Variants in MBD5 observed in about 807,000 individuals in gnomAD.
The protein encoded by MBD5 is methyl-CpG binding domain protein 5, also known as methyl-CpG-binding domain protein 5.
In MBD5, 13 loss-of-function variants were observed where a neutral mutation model predicts 117.3. That is an observed-to-expected ratio of 0.11 (90% confidence interval 0.07 to 0.18). The LOEUF (loss-of-function observed/expected upper bound fraction) is 0.18, where lower values mean the gene tolerates loss of function less well. Ranked by LOEUF, MBD5 falls within the 10% of genes least tolerant of loss-of-function variation. MBD5 has a pLI of 1.00. For missense variants in MBD5, 1,879 were observed against 2,093.8 expected (o/e 0.90, Z 2.00); for synonymous variants, 727 against 766.4 (o/e 0.95, Z 0.85).
At chr2:148,116,262 C>T (rs1181512809) in intron 1 of MBD5, among the ~76,000 whole-genome samples, 2 of 151,788 alleles carry the variant, frequency 1.3e-5, no homozygotes, top group East Asian at 1.9e-4. Context: ...AGGTTATCAC[C>T]GTGACTGAGA....
intron 1 of MBD5, among the ~76,000 whole-genome samples, chr2:148,037,520 T>TA (rs1477597017): frequency 6.6e-6 from 1 of 151,970 alleles, no homozygotes; most frequent in Admixed American, 6.6e-5. Context: ...TTATTATCTT[T>TA]AAATGAGACA....
intron 1 of MBD5, among the ~76,000 whole-genome samples, chr2:148,109,241 C>G (rs1055414065): frequency 5.3e-5 from 8 of 152,144 alleles, no homozygotes; most frequent in African/African-American, 1.9e-4. Flanking sequence ...GCCATGTTTG[C>G]ACCGCTGTAC....
At chr2:148,365,928 A>C (rs1364424560) in intron 4 of MBD5, among the ~76,000 whole-genome samples, 1 of 152,182 alleles carries the variant, frequency 6.6e-6, no homozygotes, top group Non-Finnish European at 1.5e-5. Flanking sequence ...TCCTTCTGAA[A>C]CTATTCCAAA....
rs371331451 is a variant in MBD5 at position 148,470,508 on chromosome 2, A to G, written c.2518+47A>G. On this transcript the variant is annotated intron_variant, in intron 8 of 13. Coordinates refer to ENST00000642680, the MANE Select transcript of MBD5 (RefSeq NM_001378120.1). ...GTACCCAAAGGTACTAAACTTTTCT[A>G]CTTTTTTAAAAAATTTGTACCAAAA... 182 of 1,459,898 alleles carry G rather than the reference A, an allele frequency of 1.2e-4. 2 individuals are homozygous for G. The South Asian group carries it at 2.4e-3, about 19-fold the overall frequency. The allele number at this position is 1,459,898 out of a possible 1,614,324, so 90.4% of individuals were successfully genotyped here.
At chr2:148,364,633 A>G (rs1459775533) in intron 4 of MBD5, among the ~76,000 whole-genome samples, 1 of 152,196 alleles carries the variant, frequency 6.6e-6, no homozygotes, top group African/African-American at 2.4e-5. Context: ...CTCAGAATAA[A>G]GGGATGGAGG....
intron 2 of MBD5, among the ~76,000 whole-genome samples, chr2:148,184,238 C>G (rs979192293): frequency 2.0e-5 from 3 of 152,210 alleles, no homozygotes; most frequent in South Asian, 2.1e-4. Flanking sequence ...GTCTTGAACT[C>G]CTGACCTCAA....
intron 3 of MBD5, among the ~76,000 whole-genome samples, chr2:148,322,599 A>G (rs1702310386): frequency 6.6e-6 from 1 of 152,126 alleles, no homozygotes; most frequent in Non-Finnish European, 1.5e-5. Flanking sequence ...CTTGATTATT[A>G]TTTGACTTTC....
chr2:148,029,015 C>A (rs942888579), intron 1 of MBD5, among the ~76,000 whole-genome samples: 1 of 152,080 alleles, frequency 6.6e-6, no homozygotes, highest in Non-Finnish European at 1.5e-5. Context: ...AGCCAGACAT[C>A]TAACTGTTTA....
chr2:148,075,391 C>A (rs1485388025), intron 1 of MBD5, among the ~76,000 whole-genome samples: 8 of 152,222 alleles, frequency 5.3e-5, no homozygotes, highest in African/African-American at 1.9e-4. Context: ...GCCCATCTTA[C>A]ATCAGGCATT....
chr2:148,411,937 C>A (rs952726913), intron 4 of MBD5, among the ~76,000 whole-genome samples: 4 of 151,798 alleles, frequency 2.6e-5, no homozygotes, highest in African/African-American at 7.3e-5. Flanking sequence ...ATGTCTAGAA[C>A]GATATTTCCA....
chr2:148,386,766 G>C (rs1704384805), intron 4 of MBD5, among the ~76,000 whole-genome samples: 1 of 139,416 alleles, frequency 7.2e-6, no homozygotes, highest in Admixed American at 7.2e-5. Flanking sequence ...TGCCAATAAA[G>C]ATATGGCATA....
At chr2:148,452,260 C>T (rs1323406215) in intron 4 of MBD5, among the ~76,000 whole-genome samples, 1 of 152,112 alleles carries the variant, frequency 6.6e-6, no homozygotes, top group African/African-American at 2.4e-5. Flanking sequence ...CTTTGGAAGG[C>T]CAAGGCAAGA....
chr2:148,178,463 C>T (rs1370894709), intron 1 of MBD5, among the ~76,000 whole-genome samples: 1 of 152,112 alleles, frequency 6.6e-6, no homozygotes, highest in Non-Finnish European at 1.5e-5. Context: ...ATAGAAAGTA[C>T]TCAACTCTGT....
intron 3 of MBD5, among the ~76,000 whole-genome samples, chr2:148,246,355 A>G (rs531194070): frequency 6.6e-6 from 1 of 152,226 alleles, no homozygotes; most frequent in East Asian, 1.9e-4. Context: ...GCAACCTTAG[A>G]TTCTCTATTA....
At chr2:148,449,416 G>A (rs1360468962) in intron 4 of MBD5, among the ~76,000 whole-genome samples, 1 of 151,974 alleles carries the variant, frequency 6.6e-6, no homozygotes, top group Non-Finnish European at 1.5e-5. Flanking sequence ...TGAAGCAAAA[G>A]AACTGGATAT....
At chr2:148,078,651 T>G (rs1695567297) in intron 1 of MBD5, among the ~76,000 whole-genome samples, 1 of 152,234 alleles carries the variant, frequency 6.6e-6, no homozygotes, top group Non-Finnish European at 1.5e-5. Context: ...CTGCTCTTTC[T>G]ACAGTAGCTA....
intron 3 of MBD5, among the ~76,000 whole-genome samples, chr2:148,316,481 A>G (rs1281016538): frequency 1.3e-5 from 2 of 152,192 alleles, no homozygotes; most frequent in Non-Finnish European, 2.9e-5. Flanking sequence ...TCAGCTTGCT[A>G]CCAAATCAGT....
At chr2:148,232,220 C>T (rs1700004634) in intron 2 of MBD5, among the ~76,000 whole-genome samples, 1 of 152,192 alleles carries the variant, frequency 6.6e-6, no homozygotes, top group Non-Finnish European at 1.5e-5. Context: ...GATAGGCTTT[C>T]AGAAAGGTAA....
chr2:148,330,993 A>G (rs1476557543), intron 3 of MBD5, among the ~76,000 whole-genome samples: 1 of 152,218 alleles, frequency 6.6e-6, no homozygotes, highest in Admixed American at 6.5e-5. Flanking sequence ...CCAGGATTTG[A>G]ATCTAATCTA....
Sources: gnomAD v4.1 joint callset for allele counts (sites outside exome capture counted in the v4.1 genomes callset) on GRCh38, gnomAD v4.1.1 for gene constraint, MANE v1.5 for transcripts, NCBI Gene and HGNC (gene_info 2026-07-23, HGNC 2026-07-21) for gene names.